The following FAM114A2 variants were observed in gnomAD, a reference collection of about 807,000 sequenced individuals.
FAM114A2 encodes protein FAM114A2.
In FAM114A2, 53 loss-of-function variants were observed where a neutral mutation model predicts 58.4. The ratio of observed to expected loss-of-function variants is 0.91; its 90% CI spans 0.73 to 1.14. FAM114A2 has a LOEUF of 1.14. Ranked by LOEUF, FAM114A2 falls within the 50% of genes most tolerant of loss-of-function variation. FAM114A2 has a pLI of 0.00. For missense variants in FAM114A2, 601 were observed against 581.1 expected (o/e 1.03, Z -0.35); for synonymous variants, 228 against 211.4 (o/e 1.08, Z -0.68).
intron 6 of FAM114A2, 84 bp from the exon 7 acceptor site, chr5:154,027,418 GACA>G: frequency 8.2e-7 from 1 of 1,218,666 alleles, no homozygotes; most frequent in Non-Finnish European, 1.1e-6. Flanking sequence ...GCAAAGCTTA[GACA>G]GGTTAGAGTA....
rs1769671320 is a variant in FAM114A2 at position 153,997,717 on chromosome 5, A to G, written c.1329+86T>C. 4 of 799,814 alleles carry G rather than the reference A, an allele frequency of 5.0e-6. No individual in the cohort carries two copies. In the Admixed American group the frequency reaches 8.6e-5, roughly 17 times the overall value. 49.5% of individuals were successfully genotyped at this position (799,814 alleles called of 1,614,324 possible). ...TAAAAACTAAAAACTATTGAATTGTACACTTAAAGTGAGCAAATTTTATGA... is the reference window on the plus strand; with the variant it reads ...TAAAAACTAAAAACTATTGAATTGTGCACTTAAAGTGAGCAAATTTTATGA... On this transcript the variant is annotated intron_variant, in intron 12 of 13. Coordinates refer to ENST00000351797, the MANE Select transcript of FAM114A2 (RefSeq NM_018691.4).
At chr5:154,022,582 TGA>T (rs1223611070) in intron 8 of FAM114A2, among the ~76,000 whole-genome samples, 1 of 152,042 alleles carries the variant, frequency 6.6e-6, no homozygotes, top group Non-Finnish European at 1.5e-5. Context: ...AAAACCACAA[TGA>T]GATACCATCT....
At position 153,992,513 on chromosome 5, in the gene FAM114A2, TAG is replaced by T; in HGVS notation, c.*461_*462del. The stretch of plus-strand genomic sequence containing the variant: ...CATATGCTCAGTTTTCTTAAAGCCA[TAG>T]ATTTTATTCCAGAAAGGAGAAAGTA... On this transcript the variant is annotated 3_prime_UTR_variant, in exon 14 of 14. Transcript: ENST00000351797. 6.5e-6 allele frequency: 1 copy of T among 152,692 alleles called. No homozygotes were observed. Among genetic ancestry groups the T allele is most frequent in the East Asian group, 1.9e-4 (1 of 5,188 alleles). 9.5% of individuals were successfully genotyped at this position (152,692 alleles called of 1,614,324 possible). A position where few individuals can be genotyped will look rare whatever the true frequency, so the allele number is the denominator to read the frequency against.
At chr5:154,008,688 GTGTT>G (rs1052770952) in intron 9 of FAM114A2, among the ~76,000 whole-genome samples, 19 of 152,230 alleles carry the variant, frequency 1.2e-4, no homozygotes, top group Middle Eastern at 3.4e-3. Flanking sequence ...GTGTGTGTGT[GTGTT>G]TATTTGTGTG....
At chr5:154,031,312 CAAAA>C (rs59757780) in intron 4 of FAM114A2, among the ~76,000 whole-genome samples, 3 of 47,856 alleles carry the variant, frequency 6.3e-5, no homozygotes, top group Non-Finnish European at 6.7e-5. Flanking sequence ...ACTCCCTCTC[CAAAA>C]AAAAAAAAAA....
Position 153,992,973 on chromosome 5 carries a change from T to C in FAM114A2, c.*3A>G, listed in dbSNP as rs1219262863. ...AAGTCCCAGGTCAAAACGTCTCCATTCTTCAATGTTCTAACAAAGGTTTCT... is the reference window on the plus strand; with the variant it reads ...AAGTCCCAGGTCAAAACGTCTCCATCCTTCAATGTTCTAACAAAGGTTTCT... On this transcript the variant is annotated 3_prime_UTR_variant, in exon 14 of 14. Transcript: ENST00000351797. 1 of 1,609,374 alleles carries C rather than the reference T, an allele frequency of 6.2e-7. No individual in the cohort carries two copies. The highest frequency in any genetic ancestry group is 2.2e-5 in the East Asian group (1 of 44,762).
At chr5:154,020,693 T>G (rs1430965517) in intron 8 of FAM114A2, among the ~76,000 whole-genome samples, 1 of 152,174 alleles carries the variant, frequency 6.6e-6, no homozygotes, top group Non-Finnish European at 1.5e-5. Context: ...TCAGATGGAT[T>G]CACAGCCGAA....
intron 4 of FAM114A2, among the ~76,000 whole-genome samples, chr5:154,033,092 AAT>A (rs1434032367): frequency 6.6e-6 from 1 of 152,202 alleles, no homozygotes; most frequent in Non-Finnish European, 1.5e-5. Flanking sequence ...CAGAAGTGGA[AAT>A]AACTGATGCC....
At chr5:154,035,635 A>C (rs1322782458) in intron 1 of FAM114A2, among the ~76,000 whole-genome samples, 1 of 152,218 alleles carries the variant, frequency 6.6e-6, no homozygotes, top group Non-Finnish European at 1.5e-5. Flanking sequence ...TATAAATAAA[A>C]CAGCTATGAA....
intron 9 of FAM114A2, among the ~76,000 whole-genome samples, chr5:154,010,368 G>A (rs1468094896): frequency 6.6e-6 from 1 of 152,168 alleles, no homozygotes; most frequent in East Asian, 1.9e-4. Context: ...TAGAGGTGAG[G>A]GAGATGAGCT....
chr5:154,006,203 C>A (rs111641012), intron 9 of FAM114A2, among the ~76,000 whole-genome samples: 3,655 of 152,274 alleles, frequency 0.024, 95 homozygotes, highest in African/African-American at 0.06. Context: ...TTTACTCATT[C>A]ATTTATTGCA....
At chr5:154,027,087 C>A (rs917293857) in intron 7 of FAM114A2, 89 bp downstream of exon 7, 2 of 1,092,094 alleles carry the variant, frequency 1.8e-6, no homozygotes. Flanking sequence ...ACATACACTT[C>A]ATCTTCCAAA....
rs772225550 is a variant in FAM114A2 at position 154,002,955 on chromosome 5, G to A, written c.1008C>T (p.Ala336=). The A allele has an allele frequency of 2.0e-5, 33 of 1,613,510 alleles. No individual in the cohort carries two copies. The South Asian group carries it at 2.2e-4, about 11-fold the overall frequency. The change falls in exon 10 of 14, where the codon GCC becomes GCT. Residue 336 remains alanine (A), a synonymous_variant. Transcript: ENST00000351797. ...TCAGAGACTTCCTGATCCATTCGTGGGCGGTATTTCTTGCCTAAATAAGAA... is the reference window on the plus strand; with the variant it reads ...TCAGAGACTTCCTGATCCATTCGTGAGCGGTATTTCTTGCCTAAATAAGAA... ...PEKLARARNT[A]HEWIRKSLTK...
chr5:153,991,722 G>C lies in FAM114A2; in HGVS notation c.*1254C>G, dbSNP rs1254482703. On this transcript the variant is annotated 3_prime_UTR_variant, in exon 14 of 14. Transcript: ENST00000351797. Reference sequence around the variant, plus strand: ...TTTTTTTTTTTTTTGGTCTAAGTAAGATATTAGGGCTCGTGTTTACAAAAG... The same window carrying C: ...TTTTTTTTTTTTTTGGTCTAAGTAACATATTAGGGCTCGTGTTTACAAAAG... 2.9e-5 allele frequency: 4 copies of C among 139,718 alleles called. No homozygotes were observed. Among genetic ancestry groups the C allele is most frequent in the African/African-American group, 5.4e-5 (2 of 37,190 alleles). The allele number at this position is 139,718 out of a possible 1,614,324, so 8.7% of individuals were successfully genotyped here. A position where few individuals can be genotyped will look rare whatever the true frequency, so the allele number is the denominator to read the frequency against.
rs370040788 is a variant in FAM114A2, at chr5:154,034,966, A to G, written c.-13T>C. ...CTTTATCTGACATGATTAGAACATC[A>G]GCTGGTAAAATGAAAGCCCAAAAAA... On this transcript the variant is annotated splice_region_variant and 5_prime_UTR_variant, in exon 2 of 14. Coordinates refer to ENST00000351797, the MANE Select transcript of FAM114A2 (RefSeq NM_018691.4). The G allele has an allele frequency of 1.3e-6, 2 of 1,583,640 alleles. No individual in the cohort carries two copies. The highest frequency in any genetic ancestry group is 1.5e-5 in the African/African-American group (1 of 67,944).
At chr5:154,025,778 T>G (rs1260273100) in intron 8 of FAM114A2, among the ~76,000 whole-genome samples, 1 of 152,194 alleles carries the variant, frequency 6.6e-6, no homozygotes, top group East Asian at 1.9e-4. Flanking sequence ...CCCTTAGAAC[T>G]TAATATTCAG....
At chr5:154,007,247 C>A (rs1490195366) in intron 9 of FAM114A2, among the ~76,000 whole-genome samples, 15 of 152,146 alleles carry the variant, frequency 9.9e-5, no homozygotes, top group Non-Finnish European at 1.5e-5. Context: ...ACATTTCAGT[C>A]TGGAACTTCC....
chr5:154,010,265 T>C (rs949650661), intron 9 of FAM114A2, among the ~76,000 whole-genome samples: 1 of 152,198 alleles, frequency 6.6e-6, no homozygotes, highest in Non-Finnish European at 1.5e-5. Flanking sequence ...CAAATATTGT[T>C]TGTGCTACTC....
intron 4 of FAM114A2, among the ~76,000 whole-genome samples, chr5:154,031,312 C>CAAAAAAAAAAAA (rs59757780): frequency 0.49 from 22,944 of 46,678 alleles, 8,148 homozygotes; most frequent in East Asian, 0.63. Flanking sequence ...ACTCCCTCTC[C>CAAAAAAAAAAAA]AAAAAAAAAA....
Sources: allele counts gnomAD v4.1 joint callset (sites outside exome capture counted in the v4.1 genomes callset), GRCh38; gene constraint gnomAD v4.1.1; transcripts MANE v1.5; gene names NCBI Gene and HGNC (gene_info 2026-07-23, HGNC 2026-07-21).